PXDNL: variants seen among roughly 807,000 people sequenced by gnomAD.
The protein encoded by PXDNL is peroxidasin like.
In PXDNL, 145 loss-of-function variants were observed where a neutral mutation model predicts 150.8. The observed-to-expected ratio is 0.96, with a 90% CI of 0.84 to 1.10. The LOEUF (loss-of-function observed/expected upper bound fraction) is 1.10. Among genes scored for constraint, PXDNL ranks in the 50% least tolerant of loss-of-function variants. The pLI is 0.00. For missense variants in PXDNL, 2,087 were observed against 1,873.9 expected, an observed-to-expected ratio of 1.11 and a Z score of -2.10; for synonymous variants, 757 against 725.7, an observed-to-expected ratio of 1.04 and a Z score of -0.69.
At chr8:51,374,933 A>G (rs1464636359) in intron 17 of PXDNL, among the ~76,000 whole-genome samples, 1 of 152,240 alleles carries the variant, frequency 6.6e-6, no homozygotes, top group Non-Finnish European at 1.5e-5. Flanking sequence ...AGGCAGAGTC[A>G]TAACCTAACC....
chr8:51,678,767 A>G (rs1815682519), intron 1 of PXDNL, among the ~76,000 whole-genome samples: 1 of 152,190 alleles, frequency 6.6e-6, no homozygotes, highest in Non-Finnish European at 1.5e-5. Context: ...ACCTAATGCT[A>G]GATGACGAGT....
chr8:51,335,099 G>T (rs1771287709), intron 21 of PXDNL, among the ~76,000 whole-genome samples: 1 of 152,120 alleles, frequency 6.6e-6, no homozygotes, highest in Admixed American at 6.5e-5. Context: ...GGATTTTCTA[G>T]AACAGTTCTA....
At chr8:51,387,181 A>T (rs1482249688) in intron 17 of PXDNL, among the ~76,000 whole-genome samples, 2 of 151,500 alleles carry the variant, frequency 1.3e-5, no homozygotes, top group East Asian at 3.8e-4. Flanking sequence ...CACTCTTACA[A>T]TTCTCCCTTT....
At chr8:51,773,414 G>A (rs2037320435) in intron 1 of PXDNL, among the ~76,000 whole-genome samples, 1 of 152,132 alleles carries the variant, frequency 6.6e-6, no homozygotes, top group Non-Finnish European at 1.5e-5. Flanking sequence ...TGGACCCTCT[G>A]GGAGAAGAAG....
At chr8:51,640,957 C>T (rs905728643) in intron 2 of PXDNL, among the ~76,000 whole-genome samples, 9 of 152,120 alleles carry the variant, frequency 5.9e-5, no homozygotes, top group Non-Finnish European at 1.3e-4. Context: ...TCAAACTATA[C>T]CACAAGGCTA....
chr8:51,507,040 C>T (rs1811310454), intron 4 of PXDNL, among the ~76,000 whole-genome samples: 1 of 152,098 alleles, frequency 6.6e-6, no homozygotes, highest in African/African-American at 2.4e-5. Flanking sequence ...TAACTTCATT[C>T]CTCTGGCTCC....
At position 51,389,288 on chromosome 8, in the gene PXDNL, T is replaced by C. The variant is rs191236828; in HGVS notation, c.3558-14557A>G. On this transcript the variant is annotated intron_variant, in intron 17 of 22. Coordinates refer to ENST00000356297, the MANE Select transcript of PXDNL (RefSeq NM_144651.5). ...TCATGTTAATTTATCTTCTTTTCTT[T>C]CCAGCACCATGATGTTTGAGTAAAT... Among the ~76,000 whole-genome samples, 649 of 152,332 alleles carry C rather than the reference T, an allele frequency of 4.3e-3. 3 individuals carry two copies. The highest frequency in any genetic ancestry group is 0.014 in the Middle Eastern group (4 of 294).
chr8:51,487,722 C>CTT (rs777169501), intron 5 of PXDNL, among the ~76,000 whole-genome samples: 1 of 152,136 alleles, frequency 6.6e-6, no homozygotes, highest in Admixed American at 6.5e-5. Context: ...GAAAACCTAA[C>CTT]TTGGTAAAGT....
At chr8:51,774,951 G>C (rs927769074) in intron 1 of PXDNL, among the ~76,000 whole-genome samples, 1 of 152,166 alleles carries the variant, frequency 6.6e-6, no homozygotes, top group Non-Finnish European at 1.5e-5. Flanking sequence ...ACATTTTAAA[G>C]TTATTGTGAA....
intron 3 of PXDNL, among the ~76,000 whole-genome samples, chr8:51,583,460 C>A (rs2130632896): frequency 6.6e-6 from 1 of 152,270 alleles, no homozygotes; most frequent in African/African-American, 2.4e-5. Context: ...TTATCTTTTG[C>A]ATTTCTGTGG....
intron 19 of PXDNL, among the ~76,000 whole-genome samples, chr8:51,369,361 G>C (rs1272437697): frequency 6.6e-6 from 1 of 152,122 alleles, no homozygotes; most frequent in Non-Finnish European, 1.5e-5. Context: ...AATCTACATA[G>C]AGCAATGTTT....
chr8:51,421,659 C>G (rs540286173), intron 14 of PXDNL, among the ~76,000 whole-genome samples: 1 of 151,970 alleles, frequency 6.6e-6, no homozygotes, highest in African/African-American at 2.4e-5. Flanking sequence ...AGATTGTGCC[C>G]CTGCACTCCA....
chr8:51,589,461 T>G (rs1315200305), intron 3 of PXDNL, among the ~76,000 whole-genome samples: 2 of 152,192 alleles, frequency 1.3e-5, no homozygotes, highest in Non-Finnish European at 2.9e-5. Context: ...AGAAAAGGTA[T>G]GGAATGTCTT....
At chr8:51,595,110 T>C (rs1193954455) in intron 2 of PXDNL, among the ~76,000 whole-genome samples, 1 of 152,094 alleles carries the variant, frequency 6.6e-6, no homozygotes, top group Admixed American at 6.6e-5. Context: ...TAAAACAATT[T>C]CTGAAAACAG....
At chr8:51,549,663 T>C (rs1812440166) in intron 4 of PXDNL, among the ~76,000 whole-genome samples, 1 of 152,060 alleles carries the variant, frequency 6.6e-6, no homozygotes, top group South Asian at 2.1e-4. Flanking sequence ...TATCAAAACC[T>C]CTGGGATAGA....
chr8:51,463,874 A>G (rs1273031544), intron 8 of PXDNL, among the ~76,000 whole-genome samples: 1 of 152,186 alleles, frequency 6.6e-6, no homozygotes, highest in African/African-American at 2.4e-5. Flanking sequence ...AAAACAAATC[A>G]AAAAATTCTT....
At chr8:51,537,925 GCATGA>G (rs891556648) in intron 4 of PXDNL, among the ~76,000 whole-genome samples, 3 of 152,184 alleles carry the variant, frequency 2.0e-5, no homozygotes, top group African/African-American at 7.2e-5. Flanking sequence ...CTTCCAGCTA[GCATGA>G]CATGCAGCCA....
At chr8:51,803,217 C>T (rs891972791) in intron 1 of PXDNL, among the ~76,000 whole-genome samples, 2 of 152,186 alleles carry the variant, frequency 1.3e-5, no homozygotes, top group Non-Finnish European at 2.9e-5. Context: ...GGTCTGTGTC[C>T]TGACTGTTGA....
chr8:51,413,169 G>T lies in PXDNL; in HGVS notation c.1885C>A (p.Arg629=). 1 of 1,594,936 alleles carries T rather than the reference G, an allele frequency of 6.3e-7. No individual in the cohort carries two copies. Among genetic ancestry groups the T allele is most frequent in the Non-Finnish European group, 8.6e-7 (1 of 1,162,926 alleles). Residue 629 remains arginine, a synonymous_variant, in exon 15 of 23, where the codon CGA becomes AGA. Transcript: ENST00000356297. ...TCTTACTGTGAAAACAAATGTCTTC[G>T]TGTGGAGTTAATTGCACTGTCAACT... ...QRVDSAINST[R]RHLFSQKPHT...
Sources: gnomAD v4.1 joint callset for allele counts (sites outside exome capture counted in the v4.1 genomes callset) on GRCh38, gnomAD v4.1.1 for gene constraint, MANE v1.5 for transcripts, NCBI Gene and HGNC (gene_info 2026-07-23, HGNC 2026-07-21) for gene names.